TNRC6C: variants seen among roughly 807,000 people sequenced by gnomAD.
TNRC6C encodes trinucleotide repeat containing adaptor 6C, also known as trinucleotide repeat-containing gene 6C protein.
A neutral mutation model predicts 153.7 loss-of-function variants in TNRC6C; 20 were observed. The ratio of observed to expected loss-of-function variants is 0.13; its 90% CI spans 0.09 to 0.19. The LOEUF (loss-of-function observed/expected upper bound fraction) is 0.19. TNRC6C is among the 10% of genes least tolerant of loss of function. The pLI, the probability that TNRC6C is intolerant of heterozygous loss-of-function variation, is 1.00. For missense variants in TNRC6C, 1,987 were observed against 2,172.0 expected, an observed-to-expected ratio of 0.91 and a Z score of 1.69; for synonymous variants, 811 against 841.4, an observed-to-expected ratio of 0.96 and a Z score of 0.63.
intron 1 of TNRC6C, among the ~76,000 whole-genome samples, chr17:78,017,415 T>A (rs1292605968): frequency 2.6e-5 from 4 of 152,154 alleles, no homozygotes; most frequent in African/African-American, 9.7e-5. Flanking sequence ...GTGGCGGAGC[T>A]GAACAAGGAG....
intron 1 of TNRC6C, among the ~76,000 whole-genome samples, chr17:78,028,267 G>A (rs188778424): frequency 8.0e-4 from 122 of 152,274 alleles, no homozygotes; most frequent in Middle Eastern, 3.4e-3. Context: ...TGGGGATGGG[G>A]AGAAGTGGGA....
At chr17:77,979,874 A>G (rs548582641) in intron 1 of TNRC6C, among the ~76,000 whole-genome samples, 3 of 152,366 alleles carry the variant, frequency 2.0e-5, no homozygotes, top group South Asian at 4.1e-4. Context: ...CGGACAGTCT[A>G]CTTTGCAAAG....
At chr17:78,073,534 C>G (rs145019664) in intron 7 of TNRC6C, among the ~76,000 whole-genome samples, 82 of 152,192 alleles carry the variant, frequency 5.4e-4, no homozygotes, top group Admixed American at 1.6e-3. Context: ...ACAAGCAACC[C>G]TAGTTCTAGA....
chr17:77,974,697 G>T (rs935097936), intron 1 of TNRC6C, among the ~76,000 whole-genome samples: 1 of 152,180 alleles, frequency 6.6e-6, no homozygotes, highest in Non-Finnish European at 1.5e-5. Flanking sequence ...GTGTAGTCAG[G>T]GTGATAATAG....
At chr17:77,969,875 AATT>A (rs925753863) in intron 1 of TNRC6C, among the ~76,000 whole-genome samples, 11 of 152,246 alleles carry the variant, frequency 7.2e-5, no homozygotes, top group African/African-American at 2.4e-4. Context: ...TTTTTATCTA[AATT>A]ATAAAAGGTG....
Position 77,982,983 on chromosome 17 carries a change from C to T in TNRC6C, c.-37-21187C>T, listed in dbSNP as rs181460117. On this transcript the variant is annotated intron_variant, in intron 1 of 22. Coordinates refer to the TNRC6C transcript ENST00000636222. Reference sequence around the variant, plus strand: ...CAAGAAATATGTATGCACCTAATAACAGAGCTTTAAAAGACAAAAGCCAAC... The same window carrying T: ...CAAGAAATATGTATGCACCTAATAATAGAGCTTTAAAAGACAAAAGCCAAC... Among the ~76,000 whole-genome samples the T allele has an allele frequency of 2.6e-5, 4 of 152,008 alleles. No homozygotes were observed. The East Asian group carries it at 5.8e-4, about 22-fold the overall frequency.
At chr17:78,014,920 G>A (rs1048216311) in intron 1 of TNRC6C, among the ~76,000 whole-genome samples, 2 of 151,942 alleles carry the variant, frequency 1.3e-5, no homozygotes, top group East Asian at 1.9e-4. Flanking sequence ...TCTTCTGCTC[G>A]CATCTCATTG....
chr17:77,958,417 G>C (rs367663231), upstream of TNRC6C, among the ~76,000 whole-genome samples: 3 of 151,872 alleles, frequency 2.0e-5, no homozygotes, highest in East Asian at 1.9e-4. Context: ...CGCACCGCTC[G>C]CACCCCGGCG....
chr17:78,075,499 G>T lies in TNRC6C; in HGVS notation c.3060+221G>T. ...ATGAAAAAGACTGGGATTGAAAACTGATTTTCATATTTATTGTGTGAACTT... is the reference window on the plus strand; with the variant it reads ...ATGAAAAAGACTGGGATTGAAAACTTATTTTCATATTTATTGTGTGAACTT... On this transcript the variant is annotated intron_variant, in intron 8 of 19. Coordinates refer to ENST00000301624, the Ensembl canonical transcript of TNRC6C. This position sits in a 1 kb window ranked among gnomAD's most constrained non-coding sequence, Gnocchi z 4.2. 1.7e-6 allele frequency: 1 copy of T among 578,448 alleles called. No individual in the cohort carries two copies. The highest frequency in any genetic ancestry group is 2.9e-6 in the Non-Finnish European group (1 of 344,140). 35.8% of individuals were successfully genotyped at this position (578,448 alleles called of 1,614,324 possible). A position where few individuals can be genotyped will look rare whatever the true frequency, so the allele number is the denominator to read the frequency against.
exon 3 of TNRC6C, chr17:78,048,887 A>G: frequency 8.0e-7 from 1 of 1,248,662 alleles, no homozygotes; most frequent in Middle Eastern, 3.1e-4. Context: ...GAAAATTCCC[A>G]CTGGGGACAG....
intron 1 of TNRC6C, among the ~76,000 whole-genome samples, chr17:77,989,786 C>G (rs17551788): frequency 4.0e-4 from 61 of 152,114 alleles, no homozygotes; most frequent in Non-Finnish European, 7.8e-4. Flanking sequence ...AGTGAATCAT[C>G]CCCTTGGGCG....
rs1315010135 is a variant in TNRC6C at position 78,075,075 on chromosome 17, A to G, written c.2918-61A>G. 1.1e-5 allele frequency: 18 copies of G among 1,582,840 alleles called. 1 individual carries two copies. Among genetic ancestry groups the G allele is most frequent in the South Asian group, 8.1e-5 (7 of 86,944 alleles). The stretch of plus-strand genomic sequence containing the variant: ...CTCCTTGAGGCCTTAGCTGGTGCCT[A>G]TCTTGTGCTCAGCACTCACTTGTTT... On this transcript the variant is annotated intron_variant, in intron 7 of 19. Coordinates refer to ENST00000301624, the Ensembl canonical transcript of TNRC6C. The surrounding 1 kb of genome is among the most constrained non-coding windows in gnomAD (Gnocchi z 4.2).
At chr17:78,040,740 T>C (rs1003494708) in intron 2 of TNRC6C, among the ~76,000 whole-genome samples, 1 of 152,166 alleles carries the variant, frequency 6.6e-6, no homozygotes, top group African/African-American at 2.4e-5. Flanking sequence ...AGTGAAAATG[T>C]TTGTGACAAT....
At chr17:78,082,984 A>G (rs184799690) in intron 10 of TNRC6C, 63 bp from the exon 13 acceptor site, 1 of 1,578,836 alleles carries the variant, frequency 6.3e-7, no homozygotes, top group African/African-American at 1.3e-5. Context: ...TTGAAAAACT[A>G]CAGGTACAAG....
rs143670360 is a variant in TNRC6C, at chr17:78,095,734, A to C, written c.4306+1971A>C. Among the ~76,000 whole-genome samples the C allele has an allele frequency of 1.7e-3, 262 of 152,314 alleles. 1 individual carries two copies. Among genetic ancestry groups the C allele is most frequent in the African/African-American group, 5.8e-3 (240 of 41,574 alleles). On this transcript the variant is annotated intron_variant, in intron 16 of 19. Coordinates refer to ENST00000301624, the Ensembl canonical transcript of TNRC6C. The stretch of plus-strand genomic sequence containing the variant: ...GAGTACAATGAACATCTCTTCACGT[A>C]GAAATTGCTAACCAGAAAGCACTAG...
At chr17:78,023,446 C>T (rs2071875152) in intron 1 of TNRC6C, among the ~76,000 whole-genome samples, 1 of 152,188 alleles carries the variant, frequency 6.6e-6, no homozygotes, top group Non-Finnish European at 1.5e-5. Context: ...GCTGCTACTG[C>T]TTTTGAATTT....
intron 1 of TNRC6C, among the ~76,000 whole-genome samples, chr17:77,985,602 A>AAAAAAAAAAC (rs1317363595): frequency 5.2e-5 from 7 of 133,366 alleles, no homozygotes; most frequent in African/African-American, 2.2e-4. Flanking sequence ...ACTCCGTCTC[A>AAAAAAAAAAC]AAAAAAAAAA....
exon 20 of TNRC6C, chr17:78,105,033 C>T (rs2073667683): frequency 3.6e-6 from 2 of 554,140 alleles, no homozygotes; most frequent in Non-Finnish European, 5.5e-6. Flanking sequence ...GGTGGGTCAG[C>T]GTCACATGCT....
intron 1 of TNRC6C, among the ~76,000 whole-genome samples, chr17:77,974,621 C>T (rs1175262616): frequency 3.3e-5 from 5 of 152,152 alleles, no homozygotes. Flanking sequence ...GCCACTGCAC[C>T]CTACTTGTGT....
Sources: gnomAD v4.1 joint callset for allele counts (sites outside exome capture counted in the v4.1 genomes callset) on GRCh38, gnomAD v4.1.1 for gene constraint, Gnocchi (gnomAD v3.1) non-coding constraint, MANE v1.5 for transcripts, NCBI Gene and HGNC (gene_info 2026-07-23, HGNC 2026-07-21) for gene names.